Variants in PI4K2A observed in about 807,000 individuals in gnomAD.
The protein encoded by PI4K2A is phosphatidylinositol 4-kinase type 2-alpha.
A neutral mutation model predicts 55.0 loss-of-function variants in PI4K2A; 20 were observed. That is an observed-to-expected ratio of 0.36 (90% CI 0.26 to 0.53). The LOEUF (loss-of-function observed/expected upper bound fraction) is 0.53, where lower values mean the gene tolerates loss of function less well. Among genes scored for constraint, PI4K2A ranks in the 20% least tolerant of loss-of-function variants. PI4K2A has a pLI of 0.91. For missense variants in PI4K2A, 463 were observed against 637.1 expected (o/e 0.73, Z 2.94); for synonymous variants, 235 against 258.5 (o/e 0.91, Z 0.87).
At chr10:97,660,805 CT>C (rs765679039) in intron 4 of PI4K2A, among the ~76,000 whole-genome samples, 3 of 151,826 alleles carry the variant, frequency 2.0e-5, no homozygotes, top group Non-Finnish European at 4.4e-5. Context: ...AGTTTTTTAG[CT>C]GGTTAGTAGG....
In PI4K2A at chr10:97,650,175, G is replaced by T. The variant is rs192797774; in HGVS notation, c.436-766G>T. Among the ~76,000 whole-genome samples, 455 of 151,782 alleles carry T rather than the reference G, an allele frequency of 3.0e-3. 2 individuals are homozygous for T. The highest frequency in any genetic ancestry group is 5.2e-3 in the Non-Finnish European group (356 of 67,940). On this transcript the variant is annotated intron_variant, in intron 1 of 8. Coordinates refer to ENST00000370631, the Ensembl canonical transcript of PI4K2A. Reference sequence around the variant, plus strand: ...AAGATTACTTTAGAGCCCTCGATATGTGCATTAGGATATTGTATCTTTCTG... The same window carrying T: ...AAGATTACTTTAGAGCCCTCGATATTTGCATTAGGATATTGTATCTTTCTG...
rs1554878143 is a variant in PI4K2A, at chr10:97,642,924, C to CCTTCCTTTCTTTCTTTCCTTT, written c.435+1750_435+1751insCCTTTCTTTCTTTCCTTTCTT. On this transcript the variant is annotated intron_variant, in intron 1 of 8. Coordinates refer to ENST00000370631, the Ensembl canonical transcript of PI4K2A. ...TCCTTCCTTCCTTCCTTCCTTCCTTCCTTTCTTTCCTTTCTTTCTTTCTCT... is the reference window on the plus strand; with the variant it reads ...TCCTTCCTTCCTTCCTTCCTTCCTTCCTTCCTTTCTTTCTTTCCTTTCTTTCTTTCCTTTCTTTCTTTCTCT... 1.4e-4 allele frequency among the ~76,000 whole-genome samples: 16 copies of CCTTCCTTTCTTTCTTTCCTTT among 113,608 alleles called. No individual in the cohort carries two copies. In the South Asian group the frequency reaches 2.6e-3, roughly 18 times the overall value. The allele number at this position is 113,608 out of a possible 152,430, so 74.5% of individuals were successfully genotyped here.
chr10:97,666,529 C>G (rs1412821769), exon 7 of PI4K2A: 2 of 1,613,720 alleles, frequency 1.2e-6, no homozygotes, highest in African/African-American at 2.7e-5. Context: ...CGGACCCTAA[C>G]TTCGTCAAGG....
chr10:97,654,728 A>G (rs1314690448), intron 2 of PI4K2A, among the ~76,000 whole-genome samples: 1 of 152,244 alleles, frequency 6.6e-6, no homozygotes, highest in Non-Finnish European at 1.5e-5. Flanking sequence ...GGAGTTAGAT[A>G]TACAAATGGA....
At chr10:97,673,767 T>C in exon 9 of PI4K2A, 8 of 1,611,002 alleles carry the variant, frequency 5.0e-6, no homozygotes, top group Non-Finnish European at 6.8e-6. Flanking sequence ...AGAGGAAATA[T>C]TGTCAGAGAC....
chr10:97,645,679 C>G (rs1403314978), intron 1 of PI4K2A, among the ~76,000 whole-genome samples: 1 of 149,506 alleles, frequency 6.7e-6, no homozygotes, highest in African/African-American at 2.5e-5. Flanking sequence ...ACAAACTTGA[C>G]TGCCTCTTAA....
At chr10:97,651,620 A>G (rs567310060) in intron 2 of PI4K2A, among the ~76,000 whole-genome samples, 2 of 152,194 alleles carry the variant, frequency 1.3e-5, no homozygotes, top group East Asian at 1.9e-4. Context: ...CTGACATGGA[A>G]TATTTCTAAC....
chr10:97,640,878 C>A (rs2041463683), exon 1 of PI4K2A: 1 of 1,307,070 alleles, frequency 7.7e-7, no homozygotes, highest in Non-Finnish European at 9.7e-7. Context: ...CGGCTCGGGC[C>A]CCTCTCCGCC....
intron 5 of PI4K2A, among the ~76,000 whole-genome samples, chr10:97,663,995 T>C (rs2041598693): frequency 6.6e-6 from 1 of 152,114 alleles, no homozygotes; most frequent in Non-Finnish European, 1.5e-5. Context: ...TTTAATGTTT[T>C]GTAGAGATGA....
rs1459108646 is a variant in PI4K2A, at chr10:97,647,316, C to A, written c.436-3625C>A. 1.9e-4 allele frequency among the ~76,000 whole-genome samples: 29 copies of A among 151,948 alleles called. 1 individual carries two copies. Reference sequence around the variant, plus strand: ...TAGATATAATAAAGGAATTGAAAATCTATTAAGAGAAAAAAAACACAAAAT... The same window carrying A: ...TAGATATAATAAAGGAATTGAAAATATATTAAGAGAAAAAAAACACAAAAT... On this transcript the variant is annotated intron_variant, in intron 1 of 8. Coordinates refer to ENST00000370631, the Ensembl canonical transcript of PI4K2A.
rs894913609 is a variant in PI4K2A, at chr10:97,644,125, C to T, written c.435+2948C>T. 4.6e-5 allele frequency among the ~76,000 whole-genome samples: 7 copies of T among 152,226 alleles called. No individual in the cohort carries two copies. In the East Asian group the frequency reaches 5.8e-4, roughly 13 times the overall value. On this transcript the variant is annotated intron_variant, in intron 1 of 8. Coordinates refer to ENST00000370631, the Ensembl canonical transcript of PI4K2A. ...CAGCACTTTGGGAGGCCGAGGCAGGCGCATCACTGGAGGTCAGGAGTTCGA... is the reference window on the plus strand; with the variant it reads ...CAGCACTTTGGGAGGCCGAGGCAGGTGCATCACTGGAGGTCAGGAGTTCGA...
chr10:97,651,685 G>A (rs372511018), intron 2 of PI4K2A, among the ~76,000 whole-genome samples: 3 of 152,166 alleles, frequency 2.0e-5, no homozygotes, highest in African/African-American at 7.2e-5. Context: ...AAATAGGGGT[G>A]CCAGATCTAG....
chr10:97,674,662 T>G (rs1008252820), exon 9 of PI4K2A: 8 of 152,146 alleles, frequency 5.3e-5, no homozygotes, highest in Admixed American at 4.6e-4. Context: ...TTAAATTTTT[T>G]CCCCCCAACT....
intron 1 of PI4K2A, among the ~76,000 whole-genome samples, chr10:97,641,481 G>T (rs1223758782): frequency 6.6e-6 from 1 of 152,192 alleles, no homozygotes; most frequent in African/African-American, 2.4e-5. Flanking sequence ...CTTTCTAGTA[G>T]GGTACTTAGC....
chr10:97,666,596 A>G (rs761276193), intron 7 of PI4K2A, 25 bp downstream of exon 7: 4 of 1,580,458 alleles, frequency 2.5e-6, no homozygotes, highest in African/African-American at 2.7e-5. Context: ...CCTCAGCCCT[A>G]TTATCATATG....
exon 1 of PI4K2A, chr10:97,640,804 C>T: frequency 6.7e-7 from 1 of 1,484,280 alleles, no homozygotes; most frequent in Middle Eastern, 2.5e-4. Flanking sequence ...TACACCTTCC[C>T]GTCGGGCTCG....
rs1416534794 is a variant in PI4K2A at position 97,666,388 on chromosome 10, G to A, written c.1085-50G>A. The stretch of plus-strand genomic sequence containing the variant: ...CTTGACTGGTGGAGGACACAGATGA[G>A]CAGGGACTTTTCCAACACCAGCTTT... On this transcript the variant is annotated intron_variant, in intron 6 of 8. Transcript: ENST00000370631. 7 of 1,584,382 alleles carry A rather than the reference G, an allele frequency of 4.4e-6. No individual in the cohort carries two copies. In the Admixed American group the frequency reaches 5.2e-5, roughly 12 times the overall value.
At chr10:97,672,722 GTTCTTTT>G (rs2041642069) in intron 8 of PI4K2A, among the ~76,000 whole-genome samples, 6 of 94,806 alleles carry the variant, frequency 6.3e-5, no homozygotes, top group South Asian at 6.3e-4. Context: ...CAGAGGGTCT[GTTCTTTT>G]TTTTTTTTTT....
At position 97,651,630 on chromosome 10, in the gene PI4K2A, C is replaced by T. The variant is rs923754019; in HGVS notation, c.636+489C>T. 4.6e-5 allele frequency among the ~76,000 whole-genome samples: 7 copies of T among 152,308 alleles called. No homozygotes were observed. In the South Asian group the frequency reaches 1.4e-3, roughly 32 times the overall value. On this transcript the variant is annotated intron_variant, in intron 2 of 8. Coordinates refer to ENST00000370631, the Ensembl canonical transcript of PI4K2A. ...GGGAACTGACATGGAATATTTCTAA[C>T]TTATCTTTATGCTGTCGAATTTTGG...
Sources: gnomAD v4.1 joint callset for allele counts (sites outside exome capture counted in the v4.1 genomes callset) on GRCh38, gnomAD v4.1.1 for gene constraint, MANE v1.5 for transcripts, NCBI Gene and HGNC (gene_info 2026-07-23, HGNC 2026-07-21) for gene names.